The following HTT variants were observed in gnomAD, a reference collection of about 807,000 sequenced individuals.
HTT encodes the protein huntington disease protein.
HTT carries 104 observed loss-of-function variants against 362.3 expected under a neutral mutation model. The ratio of observed to expected loss-of-function variants is 0.29; its 90% CI spans 0.24 to 0.34. The LOEUF (loss-of-function observed/expected upper bound fraction) is 0.34, where lower values mean the gene tolerates loss of function less well. Among genes scored for constraint, HTT ranks in the 10% least tolerant of loss-of-function variants. The pLI, the probability that HTT is intolerant of heterozygous loss-of-function variation, is 1.00. For synonymous variants in HTT, 1,577 were observed against 1,548.7 expected, an observed-to-expected ratio of 1.02 and a Z score of -0.43; for missense variants, 3,301 against 3,928.6, an observed-to-expected ratio of 0.84 and a Z score of 4.27.
At position 3,243,526 on chromosome 4, in the gene HTT, G is replaced by T. The variant is rs375014405; in HGVS notation, c.*3467G>T. 6.6e-6 allele frequency: 1 copy of T among 152,258 alleles called. No homozygotes were observed. 9.4% of individuals were successfully genotyped at this position (152,258 alleles called of 1,614,324 possible). A position where few individuals can be genotyped will look rare whatever the true frequency, so the allele number is the denominator to read the frequency against. ...GAAGGAGGGAGCTGCTCAGAATGCC[G>T]CATGACAACTGAAGGCAACCTGGAA... On this transcript the variant is annotated 3_prime_UTR_variant, in exon 67 of 67. Coordinates refer to ENST00000355072, the MANE Select transcript of HTT (RefSeq NM_001388492.1).
At chr4:3,140,118 G>T (rs1394430409) in intron 21 of HTT, among the ~76,000 whole-genome samples, 1 of 152,014 alleles carries the variant, frequency 6.6e-6, no homozygotes, top group Non-Finnish European at 1.5e-5. Flanking sequence ...AAAATTAGCC[G>T]GGCGCGGTGG....
At chr4:3,157,256 A>G in intron 28 of HTT, 57 bp downstream of exon 28, 1 of 1,473,674 alleles carries the variant, frequency 6.8e-7, no homozygotes, top group Non-Finnish European at 9.3e-7. Flanking sequence ...CGTCTAATGG[A>G]TAGTTGATGT....
intron 8 of HTT, among the ~76,000 whole-genome samples, chr4:3,120,509 G>A (rs1478064465): frequency 6.6e-6 from 1 of 152,234 alleles, no homozygotes; most frequent in Non-Finnish European, 1.5e-5. Context: ...GGCCTGTTAG[G>A]AACCAGGCTG....
intron 26 of HTT, among the ~76,000 whole-genome samples, chr4:3,151,590 G>A (rs1024937713): frequency 6.6e-6 from 1 of 152,166 alleles, no homozygotes; most frequent in African/African-American, 2.4e-5. Flanking sequence ...AACCATATCA[G>A]AGCATGAACC....
chr4:3,131,765 G>A lies in HTT; in HGVS notation c.2226G>A (p.Thr742=), dbSNP rs370554692. 8 of 1,613,308 alleles carry A rather than the reference G, an allele frequency of 5.0e-6. No individual in the cohort carries two copies. The African/African-American group carries it at 6.7e-5, about 13-fold the overall frequency. ...SKLYKVPLDT[T]EYPEEQYVSD... ...TCTATAAAGTTCCTCTTGACACCACGGAATACCCTGGTATGTTAAAAGTTC... is the reference window on the plus strand; with the variant it reads ...TCTATAAAGTTCCTCTTGACACCACAGAATACCCTGGTATGTTAAAAGTTC... Residue 742 remains threonine (T), a synonymous_variant, in exon 16 of 67, where the codon ACG becomes ACA. Transcript: ENST00000355072.
chr4:3,200,565 T>G (rs983393265), intron 41 of HTT, among the ~76,000 whole-genome samples: 2 of 152,178 alleles, frequency 1.3e-5, no homozygotes, highest in African/African-American at 4.8e-5. Context: ...ACAGTATTTC[T>G]GGAAGGCTCA....
intron 19 of HTT, among the ~76,000 whole-genome samples, chr4:3,135,040 G>A (rs1715995253): frequency 1.3e-5 from 2 of 152,002 alleles, no homozygotes; most frequent in African/African-American, 4.8e-5. Flanking sequence ...TAAAATATAA[G>A]TAGAAGAGTA....
At chr4:3,126,216 C>G (rs1221675292) in intron 11 of HTT, among the ~76,000 whole-genome samples, 1 of 152,056 alleles carries the variant, frequency 6.6e-6, no homozygotes, top group African/African-American at 2.4e-5. Context: ...CCACGCTTGG[C>G]TAATTTTTGT....
At chr4:3,123,246 C>G in intron 10 of HTT, 1 of 247,340 alleles carries the variant, frequency 4.0e-6, no homozygotes, top group Non-Finnish European at 7.7e-6. Flanking sequence ...AACATCTTAG[C>G]TTTATGGGCC....
At chr4:3,177,934 G>A (rs1718311551) in intron 34 of HTT, among the ~76,000 whole-genome samples, 1 of 152,202 alleles carries the variant, frequency 6.6e-6, no homozygotes, top group Non-Finnish European at 1.5e-5. Context: ...TGGAAACATA[G>A]TGTTTATTCT....
chr4:3,107,837 A>ACAATCATCTT (rs1015099545), intron 6 of HTT, among the ~76,000 whole-genome samples: 2 of 152,180 alleles, frequency 1.3e-5, no homozygotes, highest in African/African-American at 4.8e-5. Flanking sequence ...GTGCATTCCA[A>ACAATCATCTT]CAAATCATCT....
intron 37 of HTT, among the ~76,000 whole-genome samples, chr4:3,185,030 G>A (rs1345909697): frequency 6.6e-6 from 1 of 152,192 alleles, no homozygotes; most frequent in Non-Finnish European, 1.5e-5. Context: ...GGGCACTGAT[G>A]AGTGCTTTTG....
chr4:3,079,581 A>G (rs1323099753), intron 1 of HTT, among the ~76,000 whole-genome samples: 1 of 152,184 alleles, frequency 6.6e-6, no homozygotes, highest in Non-Finnish European at 1.5e-5. Context: ...TGAGGGGGAC[A>G]TTTGTAGTAA....
At chr4:3,109,707 T>A (rs1232979315) in intron 6 of HTT, among the ~76,000 whole-genome samples, 1 of 152,206 alleles carries the variant, frequency 6.6e-6, no homozygotes, top group African/African-American at 2.4e-5. Context: ...GAGAAAGCTG[T>A]GTTTTTTGCT....
At chr4:3,109,066 A>ATAT (rs1255037352) in intron 6 of HTT, among the ~76,000 whole-genome samples, 7 of 84,060 alleles carry the variant, frequency 8.3e-5, no homozygotes, top group African/African-American at 2.4e-4. Flanking sequence ...AAAAAAAAAA[A>ATAT]ATATATATAT....
At chr4:3,135,847 GGTAA>G in intron 19 of HTT, 53 bp from the exon 20 acceptor site, 2 of 1,401,610 alleles carry the variant, frequency 1.4e-6, no homozygotes, top group Non-Finnish European at 2.0e-6. Context: ...GCAAGCTGGC[GGTAA>G]GTGTTTACTG....
chr4:3,127,756 G>A, intron 12 of HTT, 152 bp downstream of exon 12: 1 of 623,866 alleles, frequency 1.6e-6, no homozygotes. Context: ...TTGAGGTCAG[G>A]AGTTCGAGAC....
intron 57 of HTT, among the ~76,000 whole-genome samples, chr4:3,226,552 C>T (rs770130296): frequency 1.6e-4 from 25 of 152,206 alleles, no homozygotes; most frequent in Admixed American, 1.3e-3. Context: ...GTATGCTGGG[C>T]GGGGCCCGGC....
At chr4:3,185,741 T>C (rs1250847300) in intron 37 of HTT, among the ~76,000 whole-genome samples, 1 of 152,140 alleles carries the variant, frequency 6.6e-6, no homozygotes, top group African/African-American at 2.4e-5. Context: ...GGTGAAACCC[T>C]GTCTCTACTA....
Sources: gnomAD v4.1 joint callset for allele counts (sites outside exome capture counted in the v4.1 genomes callset) on GRCh38, gnomAD v4.1.1 for gene constraint, MANE v1.5 for transcripts, NCBI Gene and HGNC (gene_info 2026-07-23, HGNC 2026-07-21) for gene names.